The following LRRCC1 variants were observed in gnomAD, a reference collection of about 807,000 sequenced individuals.
LRRCC1 encodes the protein leucine-rich repeat and coiled-coil domain-containing protein 1.
In LRRCC1, 115 loss-of-function variants were observed where a neutral mutation model predicts 126.0. The ratio of observed to expected loss-of-function variants is 0.91; its 90% CI spans 0.78 to 1.07. LRRCC1 has a LOEUF of 1.07. Ranked by LOEUF, LRRCC1 falls within the 50% of genes least tolerant of loss-of-function variation. The pLI, the probability that LRRCC1 is intolerant of heterozygous loss-of-function variation, is 0.00. For synonymous variants in LRRCC1, 400 were observed against 393.4 expected (o/e 1.02, Z -0.20); for missense variants, 1,172 against 1,175.7 (o/e 1.00, Z 0.05).
intron 18 of LRRCC1, among the ~76,000 whole-genome samples, chr8:85,143,157 T>C (rs1351626516): frequency 6.6e-6 from 1 of 152,010 alleles, no homozygotes; most frequent in Non-Finnish European, 1.5e-5. Flanking sequence ...AAACCTCATC[T>C]CTACTAAAAA....
In LRRCC1 at chr8:85,107,361, C is replaced by T; in HGVS notation, c.66C>T (p.Ser22=). 1 of 1,613,892 alleles carries T rather than the reference C, an allele frequency of 6.2e-7. No homozygotes were observed. The highest frequency in any genetic ancestry group is 1.1e-5 in the South Asian group (1 of 91,068). Residue 22 remains serine (S), a synonymous_variant, in exon 1 of 19, where the codon AGC becomes AGT. Coordinates refer to ENST00000360375, the MANE Select transcript of LRRCC1 (RefSeq NM_033402.5). Reference sequence around the variant, plus strand: ...TGGAAAACGAAGACGGCGACAGCAGCTGCGGGGATGTATGCTTCATGGACA... The same window carrying T: ...TGGAAAACGAAGACGGCGACAGCAGTTGCGGGGATGTATGCTTCATGGACA... The part of the protein sequence containing the change: ...AEVENEDGDS[S]CGDVCFMDKG...
At position 85,107,312 on chromosome 8, in the gene LRRCC1, C is replaced by T. The variant is rs1384828666; in HGVS notation, c.17C>T (p.Ala6Val). The change falls in exon 1 of 19, where the codon GCG (alanine) becomes GTG (valine). Residue 6 changes from alanine to valine, a missense_variant. Physicochemically the swap from Ala to Val is moderately conservative, Grantham distance 64. Transcript: ENST00000360375. Reference protein sequence around the residue: MEAAAAVVAAEAEVEN... With the variant: MEAAAVVVAAEAEVEN... ...GCCAGTGCTATGGAGGCGGCGGCGG[C>T]GGTGGTGGCGGCAGAGGCGGAAGTG... 32 of 1,600,120 alleles carry T rather than the reference C, an allele frequency of 2.0e-5. No individual in the cohort carries two copies. Among genetic ancestry groups the T allele is most frequent in the East Asian group, 6.8e-5 (3 of 44,342 alleles).
At chr8:85,121,668 C>T (rs55650873) in intron 6 of LRRCC1, among the ~76,000 whole-genome samples, 15,813 of 151,980 alleles carry the variant, frequency 0.1, 1,621 homozygotes, top group African/African-American at 0.27. Context: ...CTTGAACTCC[C>T]AAGCTCAGGT....
rs1810043638 is a variant in LRRCC1 at position 85,126,810 on chromosome 8, A to G, written c.1394A>G (p.His465Arg). The G allele has an allele frequency of 1.9e-6, 3 of 1,612,264 alleles. No homozygotes were observed. Among genetic ancestry groups the G allele is most frequent in the African/African-American group, 1.3e-5 (1 of 75,016 alleles). ...CATGCAAATGAAAAAGAGGATATTC[A>G]TAGTCTGGCTCTACTTACCACAGAT... ...HKHANEKEDIHSLALLTTDRL... is the reference protein window; with the variant it reads ...HKHANEKEDIRSLALLTTDRL... Residue 465 changes from histidine to arginine, a missense_variant, in exon 9 of 19, where the codon CAT becomes CGT. By Grantham distance (29) the His-to-Arg change is conservative. Coordinates refer to ENST00000360375, the MANE Select transcript of LRRCC1 (RefSeq NM_033402.5).
chr8:85,124,071 T>C (rs1359642917), intron 7 of LRRCC1, among the ~76,000 whole-genome samples: 2 of 152,132 alleles, frequency 1.3e-5, no homozygotes, highest in Non-Finnish European at 2.9e-5. Context: ...AGTCAGATGA[T>C]ACTGAGTTTA....
intron 12 of LRRCC1, 76 bp from the exon 13 acceptor site, chr8:85,134,771 G>A: frequency 1.1e-6 from 1 of 895,138 alleles, no homozygotes; most frequent in Non-Finnish European, 1.7e-6. Context: ...TGCTAAAACT[G>A]TGATACTATT....
At chr8:85,124,137 A>G (rs1809779806) in intron 7 of LRRCC1, among the ~76,000 whole-genome samples, 1 of 152,170 alleles carries the variant, frequency 6.6e-6, no homozygotes, top group Admixed American at 6.5e-5. Flanking sequence ...AGGGAGACCA[A>G]TATCTGTACT....
At chr8:85,143,542 G>C (rs1002698577) in intron 18 of LRRCC1, among the ~76,000 whole-genome samples, 1 of 152,106 alleles carries the variant, frequency 6.6e-6, no homozygotes, top group East Asian at 1.9e-4. Flanking sequence ...AGGAGGCTGA[G>C]ATGGGAGGAT....
rs760715113 is a variant in LRRCC1 at position 85,134,970 on chromosome 8, G to A, written c.2092G>A (p.Glu698Lys). Reference sequence around the variant, plus strand: ...TAAAGATCTGACCTGTATGGTAAAGGAACAAAAAACAAAACTGGCAGAAGT... The same window carrying A: ...TAAAGATCTGACCTGTATGGTAAAGAAACAAAAAACAAAACTGGCAGAAGT... Reference protein sequence around the residue: ...LIKDLTCMVKEQKTKLAEVSK... With the variant: ...LIKDLTCMVKKQKTKLAEVSK... Residue 698 changes from glutamate (E) to lysine (K), a missense_variant, in exon 13 of 19, where the codon GAA becomes AAA. Transcript: ENST00000360375. 13 of 1,559,640 alleles carry A rather than the reference G, an allele frequency of 8.3e-6. No individual in the cohort carries two copies. The highest frequency in any genetic ancestry group is 1.1e-5 in the Non-Finnish European group (13 of 1,163,486).
At chr8:85,140,239 G>A (rs1470471865) in intron 17 of LRRCC1, among the ~76,000 whole-genome samples, 2 of 152,100 alleles carry the variant, frequency 1.3e-5, no homozygotes, top group African/African-American at 4.8e-5. Flanking sequence ...TAAGGGAATT[G>A]TAATAAAATA....
chr8:85,123,948 A>T (rs1213473146), intron 7 of LRRCC1, among the ~76,000 whole-genome samples: 1 of 152,172 alleles, frequency 6.6e-6, no homozygotes, highest in African/African-American at 2.4e-5. Context: ...TAATAACATT[A>T]GTTCAAATTC....
chr8:85,144,214 G>A (rs1273368840), intron 18 of LRRCC1, among the ~76,000 whole-genome samples: 1 of 151,882 alleles, frequency 6.6e-6, no homozygotes, highest in Non-Finnish European at 1.5e-5. Flanking sequence ...TCTTTGGGGA[G>A]GGAGGTTATT....
chr8:85,142,866 A>T (rs952007255), intron 18 of LRRCC1, among the ~76,000 whole-genome samples: 1 of 151,508 alleles, frequency 6.6e-6, no homozygotes, highest in Admixed American at 6.6e-5. Flanking sequence ...AAGAAAAATT[A>T]TAATCAAGGT....
chr8:85,119,417 T>G (rs556565148), intron 6 of LRRCC1, among the ~76,000 whole-genome samples: 4 of 152,196 alleles, frequency 2.6e-5, no homozygotes, highest in African/African-American at 9.6e-5. Flanking sequence ...TTGATTAATA[T>G]TTGTTTTCTG....
intron 6 of LRRCC1, among the ~76,000 whole-genome samples, chr8:85,120,596 A>G (rs983660815): frequency 1.3e-5 from 2 of 152,160 alleles, no homozygotes; most frequent in African/African-American, 2.4e-5. Flanking sequence ...ATTAGCAGTC[A>G]TTACTCATTT....
At chr8:85,142,789 C>G (rs1463682591) in intron 18 of LRRCC1, among the ~76,000 whole-genome samples, 1 of 143,994 alleles carries the variant, frequency 6.9e-6, no homozygotes, top group East Asian at 2.0e-4. Flanking sequence ...AAGATTGTGT[C>G]ACGTTGCACT....
chr8:85,122,399 A>G (rs7841142), intron 6 of LRRCC1, among the ~76,000 whole-genome samples: 112,930 of 152,076 alleles, frequency 0.74, 42,687 homozygotes, highest in African/African-American at 0.86. Flanking sequence ...CTCAAAATTC[A>G]CTGAGGCTCT....
chr8:85,107,443 G>A, intron 1 of LRRCC1, 44 bp downstream of exon 1: 4 of 1,517,246 alleles, frequency 2.6e-6, no homozygotes, highest in Non-Finnish European at 3.6e-6. Flanking sequence ...GCACTCCCCA[G>A]AGCCGGGGCC....
At position 85,129,966 on chromosome 8, in the gene LRRCC1, A is replaced by C; in HGVS notation, c.1674A>C (p.Arg558Ser). Residue 558 changes from arginine to serine, a missense_variant, in exon 11 of 19, where the codon AGA (arginine) becomes AGC (serine). Physicochemically the swap from Arg to Ser is moderately radical, Grantham distance 110 (BLOSUM62 -1). Transcript: ENST00000360375. Reference sequence around the variant, plus strand: ...AACTCAAAGCTTCAGCTGCCGATAGAGAAATATACTTACTTAGAACTTCCC... The same window carrying C: ...AACTCAAAGCTTCAGCTGCCGATAGCGAAATATACTTACTTAGAACTTCCC... ...EVELKASAADREIYLLRTSLH... is the reference protein window; with the variant it reads ...EVELKASAADSEIYLLRTSLH... 2 of 1,598,078 alleles carry C rather than the reference A, an allele frequency of 1.3e-6. No homozygotes were observed. The highest frequency in any genetic ancestry group is 3.5e-5 in the Admixed American group (2 of 56,526).
Sources: allele counts gnomAD v4.1 joint callset (sites outside exome capture counted in the v4.1 genomes callset), GRCh38; gene constraint gnomAD v4.1.1; transcripts MANE v1.5; gene names NCBI Gene and HGNC (gene_info 2026-07-23, HGNC 2026-07-21).